Variants in SLAIN1 observed in about 807,000 individuals in gnomAD.
SLAIN1 encodes SLAIN motif-containing protein 1.
A neutral mutation model predicts 55.4 loss-of-function variants in SLAIN1; 17 were observed. That is an observed-to-expected ratio of 0.31 (90% CI 0.21 to 0.46). SLAIN1 has a LOEUF of 0.46. SLAIN1 is among the 20% of genes least tolerant of loss of function. The pLI, the probability that SLAIN1 is intolerant of heterozygous loss-of-function variation, is 1.00. For synonymous variants in SLAIN1, 348 were observed against 337.4 expected, an observed-to-expected ratio of 1.03 and a Z score of -0.35; for missense variants, 682 against 785.1, an observed-to-expected ratio of 0.87 and a Z score of 1.57.
chr13:77,740,564 G>A lies in SLAIN1; in HGVS notation c.767-3719G>A, dbSNP rs190769962. On this transcript the variant is annotated intron_variant, in intron 2 of 6. Transcript: ENST00000418532. ...CTTTTTTTATAAATAGAACTCTGGA[G>A]TAGGAGTATAGGGAAATTTAACTGT... 4.8e-3 allele frequency among the ~76,000 whole-genome samples: 707 copies of A among 147,156 alleles called. 3 individuals carry two copies. The highest frequency in any genetic ancestry group is 7.9e-3 in the Non-Finnish European group (529 of 66,920).
intron 4 of SLAIN1, among the ~76,000 whole-genome samples, chr13:77,751,573 A>G (rs1244667579): frequency 2.6e-5 from 4 of 152,208 alleles, no homozygotes; most frequent in Admixed American, 6.5e-5. Context: ...TTCCTTCTCC[A>G]AAGTGAGGTT....
At chr13:77,726,309 AT>A (rs2091307552) in intron 2 of SLAIN1, among the ~76,000 whole-genome samples, 2 of 152,196 alleles carry the variant, frequency 1.3e-5, no homozygotes, top group Admixed American at 1.3e-4. Context: ...ATGGTTAAAT[AT>A]TTTTTAAAAG....
At chr13:77,723,027 C>T (rs556060937) in intron 2 of SLAIN1, among the ~76,000 whole-genome samples, 12 of 152,208 alleles carry the variant, frequency 7.9e-5, no homozygotes, top group African/African-American at 2.4e-4. Flanking sequence ...AGATTACAGG[C>T]GTGAGCCACT....
chr13:77,700,631 T>A (rs1178892881), intron 1 of SLAIN1, among the ~76,000 whole-genome samples: 1 of 152,208 alleles, frequency 6.6e-6, no homozygotes, highest in Non-Finnish European at 1.5e-5. Context: ...TTTAACCCAC[T>A]TGTTAATGCT....
intron 5 of SLAIN1, among the ~76,000 whole-genome samples, chr13:77,759,756 A>T (rs1438885152): frequency 1.3e-5 from 2 of 152,142 alleles, no homozygotes; most frequent in East Asian, 3.8e-4. Context: ...TGATTGGCCT[A>T]TGTTAAACCA....
At chr13:77,716,487 T>C (rs2091209107) in intron 1 of SLAIN1, among the ~76,000 whole-genome samples, 2 of 152,114 alleles carry the variant, frequency 1.3e-5, no homozygotes, top group African/African-American at 4.8e-5. Flanking sequence ...CATCTTAATA[T>C]TTAGTTTTCT....
intron 1 of SLAIN1, among the ~76,000 whole-genome samples, chr13:77,701,810 A>G (rs1366447242): frequency 6.6e-6 from 1 of 150,822 alleles, no homozygotes; most frequent in Non-Finnish European, 1.5e-5. Flanking sequence ...GTACATGTGC[A>G]CATTGTGCAG....
chr13:77,745,662 G>A (rs1873763834), intron 3 of SLAIN1, among the ~76,000 whole-genome samples: 1 of 152,030 alleles, frequency 6.6e-6, no homozygotes, highest in African/African-American at 2.4e-5. Context: ...ATAATTTCCT[G>A]TTTTCAGAAT....
At position 77,744,429 on chromosome 13, in the gene SLAIN1, G is replaced by GA; in HGVS notation, c.916dup (p.Ser306LysfsTer17). Reference sequence around the variant, plus strand: ...TCAGATCATGGCTCGTCTGCAAGAAGAAAGTATGTGTTCTTTCTAAACTAG... The same window carrying GA: ...TCAGATCATGGCTCGTCTGCAAGAAGAAAAGTATGTGTTCTTTCTAAACTAG... On this transcript the variant is annotated frameshift_variant, in exon 3 of 7. Transcript: ENST00000418532. LOFTEE classifies it high-confidence loss of function. 6.2e-7 allele frequency: 1 copy of GA among 1,610,868 alleles called. No individual in the cohort carries two copies. Among genetic ancestry groups the GA allele is most frequent in the Non-Finnish European group, 8.5e-7 (1 of 1,179,222 alleles).
intron 2 of SLAIN1, among the ~76,000 whole-genome samples, chr13:77,721,193 T>A (rs2091258525): frequency 6.6e-6 from 1 of 152,122 alleles, no homozygotes; most frequent in Non-Finnish European, 1.5e-5. Context: ...TGAGAGCTGA[T>A]GGTGTTAAGT....
intron 2 of SLAIN1, among the ~76,000 whole-genome samples, chr13:77,736,024 A>G (rs1052429402): frequency 7.2e-5 from 11 of 152,154 alleles, no homozygotes; most frequent in Admixed American, 3.9e-4. Flanking sequence ...TGTAAGACAT[A>G]AATACCCTTT....
intron 2 of SLAIN1, chr13:77,742,838 C>T (rs1230904906): frequency 5.5e-6 from 1 of 182,926 alleles, no homozygotes; most frequent in South Asian, 1.3e-4. Flanking sequence ...GACCCTAATT[C>T]ACAAATTGTT....
At chr13:77,759,933 T>C (rs999095919) in intron 5 of SLAIN1, among the ~76,000 whole-genome samples, 1 of 152,194 alleles carries the variant, frequency 6.6e-6, no homozygotes, top group Non-Finnish European at 1.5e-5. Context: ...TTTCAAGAGA[T>C]GATAAATAAA....
intron 2 of SLAIN1, among the ~76,000 whole-genome samples, chr13:77,719,905 A>G (rs1470585189): frequency 6.6e-6 from 1 of 152,106 alleles, no homozygotes; most frequent in Non-Finnish European, 1.5e-5. Flanking sequence ...ATTGCAATGT[A>G]GGAACACACA....
In SLAIN1 at chr13:77,698,640, C is replaced by G; in HGVS notation, c.626+101C>G. ...CGGACGGGGGTCCCCTCGCGGCAGC[C>G]GGGGTGACTCCCCGCGGCTCCCGGA... On this transcript the variant is annotated intron_variant, in intron 1 of 6. Transcript: ENST00000418532. The surrounding 1 kb of genome is among the most constrained non-coding windows in gnomAD (Gnocchi z 4.1). 2.3e-6 allele frequency: 3 copies of G among 1,307,062 alleles called. No individual in the cohort carries two copies. Among genetic ancestry groups the G allele is most frequent in the South Asian group, 2.3e-5 (1 of 43,268 alleles). 81.0% of individuals were successfully genotyped at this position (1,307,062 alleles called of 1,614,324 possible).
chr13:77,752,409 G>A (rs1222938268), intron 4 of SLAIN1, among the ~76,000 whole-genome samples: 1 of 151,386 alleles, frequency 6.6e-6, no homozygotes, highest in Non-Finnish European at 1.5e-5. Context: ...TATTGAATAG[G>A]AACAGATAGC....
intron 1 of SLAIN1, chr13:77,699,044 CTCTT>C (rs1315066959): frequency 2.6e-6 from 4 of 1,535,304 alleles, no homozygotes; most frequent in African/African-American, 1.4e-5. Flanking sequence ...TGATGGATCT[CTCTT>C]TATAGAGAGG....
At chr13:77,711,773 A>C (rs1566222087) in intron 1 of SLAIN1, among the ~76,000 whole-genome samples, 1 of 152,184 alleles carries the variant, frequency 6.6e-6, no homozygotes, top group Non-Finnish European at 1.5e-5. Flanking sequence ...ACACAAATAA[A>C]AAAGAAAATT....
chr13:77,752,263 T>C (rs938056013), intron 4 of SLAIN1, among the ~76,000 whole-genome samples: 3 of 151,030 alleles, frequency 2.0e-5, no homozygotes, highest in Non-Finnish European at 2.9e-5. Context: ...ATTCAGTAAA[T>C]GTTGGTTTTG....
Sources: gnomAD v4.1 joint callset for allele counts (sites outside exome capture counted in the v4.1 genomes callset) on GRCh38, gnomAD v4.1.1 for gene constraint, Gnocchi (gnomAD v3.1) non-coding constraint, MANE v1.5 for transcripts, NCBI Gene and HGNC (gene_info 2026-07-23, HGNC 2026-07-21) for gene names.